RAB38: variants seen among roughly 807,000 people sequenced by gnomAD.
RAB38 encodes the protein RAB38, member RAS oncogene family, also known as ras-related protein Rab-38.
Under a neutral mutation model 18.4 loss-of-function variants are expected in RAB38, and 15 were observed. The observed-to-expected ratio is 0.82, with a 90% confidence interval of 0.55 to 1.26. The LOEUF is 1.26. Ranked by LOEUF, RAB38 falls within the 50% of genes most tolerant of loss-of-function variation. The pLI is 0.00. For synonymous variants in RAB38, 101 were observed against 104.4 expected, an observed-to-expected ratio of 0.97 and a Z score of 0.20; for missense variants, 294 against 267.4, an observed-to-expected ratio of 1.10 and a Z score of -0.69.
the RAB38 span, among the ~76,000 whole-genome samples, chr11:88,025,872 T>C: frequency 0.072 from 10,969 of 152,224 alleles, 642 homozygotes; most frequent in African/African-American, 0.14. Flanking sequence ...AGCTCTTTCA[T>C]TTAATTAGGT....
chr11:88,013,089 AG>A, the RAB38 span, among the ~76,000 whole-genome samples: 1 of 152,192 alleles, frequency 6.6e-6, no homozygotes, highest in Non-Finnish European at 1.5e-5. Context: ...GACATTCTGT[AG>A]GGATAGTAAT....
At chr11:87,850,006 T>C in the RAB38 span, among the ~76,000 whole-genome samples, 3 of 132,310 alleles carry the variant, frequency 2.3e-5, no homozygotes, top group Admixed American at 8.8e-5. Flanking sequence ...GTTAGCCTAA[T>C]AATAATAATA....
chr11:88,052,448 A>G, the RAB38 span, among the ~76,000 whole-genome samples: 1 of 152,148 alleles, frequency 6.6e-6, no homozygotes, highest in African/African-American at 2.4e-5. Context: ...TAATGTATGC[A>G]TTGAATCATA....
chr11:88,058,069 C>A, the RAB38 span, among the ~76,000 whole-genome samples: 1 of 152,082 alleles, frequency 6.6e-6, no homozygotes, highest in African/African-American at 2.4e-5. Flanking sequence ...ATTTACATGA[C>A]CTGATGTGCA....
chr11:87,914,575 T>G, the RAB38 span, among the ~76,000 whole-genome samples: 2 of 152,116 alleles, frequency 1.3e-5, no homozygotes, highest in Non-Finnish European at 2.9e-5. Flanking sequence ...GGAGAAATGT[T>G]TAGCCTACCT....
At chr11:88,079,311 A>C in the RAB38 span, among the ~76,000 whole-genome samples, 3 of 151,850 alleles carry the variant, frequency 2.0e-5, no homozygotes, top group African/African-American at 7.2e-5. Context: ...TGTCAAAAAG[A>C]TGATAGCTAG....
At chr11:88,085,874 G>A in the RAB38 span, among the ~76,000 whole-genome samples, 2 of 151,916 alleles carry the variant, frequency 1.3e-5, no homozygotes, top group African/African-American at 4.8e-5. Flanking sequence ...TACAGAAGGA[G>A]AAGAGTTGAG....
the RAB38 span, among the ~76,000 whole-genome samples, chr11:87,860,110 C>T: frequency 6.6e-6 from 1 of 151,880 alleles, no homozygotes; most frequent in African/African-American, 2.4e-5. Context: ...ATTTAGATTC[C>T]ATTACTAAAA....
chr11:87,944,483 G>C, the RAB38 span, among the ~76,000 whole-genome samples: 1 of 151,972 alleles, frequency 6.6e-6, no homozygotes, highest in East Asian at 1.9e-4. Flanking sequence ...TTCCATTTTT[G>C]GTCCCTACAG....
chr11:87,912,762 C>CTTTTTTTTTTTTTTTTTTTTTTT, the RAB38 span, among the ~76,000 whole-genome samples: 12 of 86,524 alleles, frequency 1.4e-4, no homozygotes, highest in East Asian at 7.6e-4. Flanking sequence ...AATTTTCTTT[C>CTTTTTTTTTTTTTTTTTTTTTTT]TTTCTTTTTT....
chr11:88,156,038 T>C (rs1192475737), intron 1 of RAB38, among the ~76,000 whole-genome samples: 1 of 152,100 alleles, frequency 6.6e-6, no homozygotes, highest in African/African-American at 2.4e-5. Flanking sequence ...TGTAAAAATA[T>C]CAAACCTACA....
At chr11:87,814,556 C>T in the RAB38 span, among the ~76,000 whole-genome samples, 1 of 152,218 alleles carries the variant, frequency 6.6e-6, no homozygotes, top group East Asian at 1.9e-4. Flanking sequence ...AAAGTGTGTG[C>T]TGAAGAAAGT....
the RAB38 span, among the ~76,000 whole-genome samples, chr11:87,812,879 T>G: frequency 6.6e-6 from 1 of 152,228 alleles, no homozygotes; most frequent in Non-Finnish European, 1.5e-5. Flanking sequence ...TAAATTGGCC[T>G]GTTGAAGATG....
the RAB38 span, among the ~76,000 whole-genome samples, chr11:87,959,951 G>GT: frequency 1.3e-5 from 2 of 152,060 alleles, no homozygotes; most frequent in Admixed American, 6.6e-5. Context: ...TCAAATCACT[G>GT]TTTTTTGGGT....
At chr11:87,850,018 T>A in the RAB38 span, among the ~76,000 whole-genome samples, 5 of 150,700 alleles carry the variant, frequency 3.3e-5, no homozygotes, top group Non-Finnish European at 7.4e-5. Flanking sequence ...ATAATAATAA[T>A]AAAAGTTATA....
the RAB38 span, among the ~76,000 whole-genome samples, chr11:87,805,555 G>A: frequency 1.3e-5 from 2 of 151,808 alleles, no homozygotes; most frequent in Admixed American, 1.3e-4. Flanking sequence ...AGGATAGAGG[G>A]AGGGAGTGAT....
At chr11:87,965,014 CA>C in the RAB38 span, among the ~76,000 whole-genome samples, 2 of 152,242 alleles carry the variant, frequency 1.3e-5, no homozygotes, top group African/African-American at 2.4e-5. Flanking sequence ...TTAACATATT[CA>C]GCCAGATAAT....
chr11:88,029,077 A>G, the RAB38 span, among the ~76,000 whole-genome samples: 3,404 of 152,140 alleles, frequency 0.022, 108 homozygotes, highest in East Asian at 0.15. Context: ...CCAATATTCA[A>G]CATTCTTAAA....
chr11:87,957,553 C>T, the RAB38 span, among the ~76,000 whole-genome samples: 4 of 152,058 alleles, frequency 2.6e-5, no homozygotes, highest in African/African-American at 4.8e-5. Flanking sequence ...TAATCAACTG[C>T]GAGGAGACCA....
Sources: gnomAD v4.1 joint callset for allele counts (sites outside exome capture counted in the v4.1 genomes callset) on GRCh38, gnomAD v4.1.1 for gene constraint, MANE v1.5 for transcripts, NCBI Gene and HGNC (gene_info 2026-07-23, HGNC 2026-07-21) for gene names.